The following NADSYN1 variants were observed in gnomAD, a reference collection of about 807,000 sequenced individuals.
NADSYN1 encodes NAD synthetase 1.
A neutral mutation model predicts 99.3 loss-of-function variants in NADSYN1; 80 were observed. The ratio of observed to expected loss-of-function variants is 0.81; its 90% CI spans 0.67 to 0.97. The LOEUF is 0.97. Among genes scored for constraint, NADSYN1 ranks in the 50% least tolerant of loss-of-function variants. The pLI is 0.00. For synonymous variants in NADSYN1, 385 were observed against 372.1 expected, an observed-to-expected ratio of 1.03 and a Z score of -0.40; for missense variants, 859 against 948.5, an observed-to-expected ratio of 0.91 and a Z score of 1.24.
chr11:71,498,677 G>C, intron 20 of NADSYN1, 149 bp downstream of exon 20: 1 of 855,976 alleles, frequency 1.2e-6, no homozygotes, highest in South Asian at 2.0e-5. Flanking sequence ...TATGTTTAAA[G>C]CGTTTTTTAA....
intron 16 of NADSYN1, among the ~76,000 whole-genome samples, chr11:71,487,628 G>A (rs1308401392): frequency 2.0e-5 from 3 of 151,806 alleles, no homozygotes; most frequent in Non-Finnish European, 2.9e-5. Context: ...TCAGGAGATC[G>A]AGACCATCCT....
rs1176066071 is a variant in NADSYN1 at position 71,463,539 on chromosome 11, C to T, written c.317+54C>T. ...GTGACTGGGGCCTCTCCCTGGCTCT[C>T]AGCTGAGGGCTGCCAGGACCCGTGC... is the stretch of plus-strand genomic sequence containing the variant. On this transcript the variant is annotated intron_variant, in intron 4 of 20. Transcript: ENST00000319023. 1.9e-6 allele frequency: 3 copies of T among 1,547,738 alleles called. No individual in the cohort carries two copies. The South Asian group carries it at 3.4e-5, about 17-fold the overall frequency.
At chr11:71,467,573 G>A (rs1949600757) in intron 5 of NADSYN1, among the ~76,000 whole-genome samples, 1 of 152,222 alleles carries the variant, frequency 6.6e-6, no homozygotes, top group Admixed American at 6.5e-5. Flanking sequence ...TAGAAAAAGA[G>A]CCAAATAATA....
chr11:71,490,211 C>T (rs977492160), intron 16 of NADSYN1, among the ~76,000 whole-genome samples: 1 of 152,208 alleles, frequency 6.6e-6, no homozygotes, highest in Non-Finnish European at 1.5e-5. Context: ...GTCTTCACCA[C>T]CAGCGGCCTC....
intron 16 of NADSYN1, among the ~76,000 whole-genome samples, chr11:71,489,638 CAG>C (rs1196267545): frequency 1.3e-5 from 2 of 152,226 alleles, no homozygotes; most frequent in Admixed American, 1.3e-4. Flanking sequence ...CGGGACAGGA[CAG>C]GGAGCGATGG....
chr11:71,462,209 G>A (rs1394039709), intron 3 of NADSYN1, among the ~76,000 whole-genome samples: 3 of 152,092 alleles, frequency 2.0e-5, no homozygotes, highest in African/African-American at 7.2e-5. Context: ...TGGAAAAGCC[G>A]ACCAGCATGA....
intron 16 of NADSYN1, among the ~76,000 whole-genome samples, chr11:71,487,875 G>T (rs912764164): frequency 1.3e-5 from 2 of 148,414 alleles, no homozygotes; most frequent in African/African-American, 4.9e-5. Context: ...ATAAGCAAAC[G>T]TAAACGTAAT....
intron 19 of NADSYN1, among the ~76,000 whole-genome samples, chr11:71,497,854 T>C (rs1949830582): frequency 6.6e-6 from 1 of 152,264 alleles, no homozygotes; most frequent in African/African-American, 2.4e-5. Context: ...CTCCCTTTTT[T>C]TGAGGATAGA....
At chr11:71,500,785 G>A (rs1002776986) in intron 20 of NADSYN1, among the ~76,000 whole-genome samples, 1 of 152,172 alleles carries the variant, frequency 6.6e-6, no homozygotes, top group African/African-American at 2.4e-5. Context: ...GCTGGACGGA[G>A]CCCACACGCC....
Position 71,480,856 on chromosome 11 carries a change from C to A in NADSYN1, c.975C>A (p.Tyr325Ter), listed in dbSNP as rs1471144501. The change falls in exon 11 of 21, where the codon TAC becomes TAA. Residue 325 changes from tyrosine (Y) to a stop codon, truncating the protein, a stop_gained. Transcript: ENST00000319023. LOFTEE classifies it high-confidence loss of function. ...TCTCTGAGCCCATCGAGTGGAAATA[C>A]CACAGCCCTGAGGAGGAGATAAGGT... ...APISEPIEWK[Y>*]HSPEEEISLG... The A allele has an allele frequency of 1.9e-6, 3 of 1,614,046 alleles. No homozygotes were observed. The African/African-American group carries it at 4.0e-5, about 22-fold the overall frequency.
Position 71,481,967 on chromosome 11 carries a change from C to T in NADSYN1, c.1092C>T (p.Ala364=). ...LPLSGGVDSA[A]TACLIYSMCC... ...TGAGTGGCGGGGTGGACAGCGCAGC[C>T]ACCGCCTGCCTCATCTACTCCATGT... Residue 364 remains alanine (A), a synonymous_variant, in exon 13 of 21, where the codon GCC becomes GCT. Coordinates refer to ENST00000319023, the MANE Select transcript of NADSYN1 (RefSeq NM_018161.5). 1 of 1,608,740 alleles carries T rather than the reference C, an allele frequency of 6.2e-7. No homozygotes were observed. The highest frequency in any genetic ancestry group is 8.5e-7 in the Non-Finnish European group (1 of 1,177,912).
chr11:71,466,923 A>G (rs1264911571), intron 5 of NADSYN1, among the ~76,000 whole-genome samples: 3 of 152,094 alleles, frequency 2.0e-5, no homozygotes, highest in African/African-American at 7.2e-5. Flanking sequence ...AGGGTTTCCT[A>G]CGCCTGGAGA....
intron 1 of NADSYN1, among the ~76,000 whole-genome samples, 156 bp downstream of exon 1, chr11:71,453,537 G>A (rs1949494287): frequency 6.6e-6 from 1 of 152,226 alleles, no homozygotes; most frequent in South Asian, 2.1e-4. Flanking sequence ...CCCCGCCAGT[G>A]GTACGTGCTC....
chr11:71,470,154 A>T (rs920175693), intron 5 of NADSYN1, among the ~76,000 whole-genome samples: 1 of 152,224 alleles, frequency 6.6e-6, no homozygotes, highest in African/African-American at 2.4e-5. Flanking sequence ...AAAAGCATCA[A>T]ATCTCCTAAG....
Position 71,491,869 on chromosome 11 carries a change from C to G in NADSYN1, c.1730C>G (p.Pro577Arg), listed in dbSNP as rs1949781772. Residue 577 changes from proline (P) to arginine (R), a missense_variant, in exon 18 of 21, where the codon CCC (proline) becomes CGC (arginine). Physicochemically the swap from Pro to Arg is moderately radical, Grantham distance 103. Coordinates refer to ENST00000319023, the MANE Select transcript of NADSYN1 (RefSeq NM_018161.5). The part of the protein sequence containing the change: ...LLAPATAELE[P>R]LADGQVSQTD... ...GCGCCGGCCACCGCAGAGCTGGAGC[C>G]CTTGGCTGATGGACAGGTGTCCCAG... The G allele has an allele frequency of 1.2e-6, 2 of 1,613,978 alleles. No homozygotes were observed. The highest frequency in any genetic ancestry group is 1.7e-6 in the Non-Finnish European group (2 of 1,180,036).
intron 1 of NADSYN1, among the ~76,000 whole-genome samples, chr11:71,454,343 C>G (rs960473500): frequency 6.6e-6 from 1 of 152,046 alleles, no homozygotes; most frequent in African/African-American, 2.4e-5. Context: ...TCCTGAGTAG[C>G]TGGGATTACA....
In NADSYN1 at chr11:71,455,171, G is replaced by C; in HGVS notation, c.146+1G>C. 3 of 1,613,444 alleles carry C rather than the reference G, an allele frequency of 1.9e-6. No individual in the cohort carries two copies. The highest frequency in any genetic ancestry group is 2.5e-6 in the Non-Finnish European group (3 of 1,179,658). On this transcript the variant is annotated splice_donor_variant, in intron 2 of 20. Transcript: ENST00000319023. LOFTEE classifies it high-confidence loss of function. ...GGCTTGGACCAGAGCTGGAAATATGGTGAGAACAGACACAGACACCCTGGG... is the reference window on the plus strand; with the variant it reads ...GGCTTGGACCAGAGCTGGAAATATGCTGAGAACAGACACAGACACCCTGGG...
rs756668240 is a variant in NADSYN1 at position 71,482,044 on chromosome 11, C to T, written c.1150+19C>T. ...AGTGGAAGTAGGTGACATCTGTTGG[C>T]TTGAGGGAGGCTCCAGGGTCCAGCC... On this transcript the variant is annotated intron_variant, in intron 13 of 20. Coordinates refer to ENST00000319023, the MANE Select transcript of NADSYN1 (RefSeq NM_018161.5). 3 of 1,595,890 alleles carry T rather than the reference C, an allele frequency of 1.9e-6. No homozygotes were observed. In the African/African-American group the frequency reaches 4.0e-5, roughly 21 times the overall value.
chr11:71,490,937 A>G lies in NADSYN1; in HGVS notation c.1655A>G (p.Gln552Arg), dbSNP rs760513218. ...ISKTDLRAFV[Q>R]FCIQRFQLPA... ...AAGACGGACCTCAGGGCCTTCGTCC[A>G]GTTCTGCATCCAGCGCTTCCAGCTT... Residue 552 changes from glutamine to arginine, a missense_variant, in exon 17 of 21, where the codon CAG becomes CGG. Gln to Arg is a conservative substitution (Grantham distance 43). Coordinates refer to ENST00000319023, the MANE Select transcript of NADSYN1 (RefSeq NM_018161.5). 1.9e-6 allele frequency: 3 copies of G among 1,614,192 alleles called. No homozygotes were observed. The highest frequency in any genetic ancestry group is 8.5e-7 in the Non-Finnish European group (1 of 1,180,022).
Sources: allele counts gnomAD v4.1 joint callset (sites outside exome capture counted in the v4.1 genomes callset), GRCh38; gene constraint gnomAD v4.1.1; transcripts MANE v1.5; gene names NCBI Gene and HGNC (gene_info 2026-07-23, HGNC 2026-07-21).